CHD8: variants seen among roughly 807,000 people sequenced by gnomAD.
CHD8 encodes the protein chromodomain helicase DNA binding protein 8, also known as ATP-dependent chromatin remodeler CHD8.
Under a neutral mutation model 279.2 loss-of-function variants are expected in CHD8, and 31 were observed. The observed-to-expected ratio is 0.11, with a 90% CI of 0.08 to 0.15. The LOEUF (loss-of-function observed/expected upper bound fraction) is 0.15, where lower values mean the gene tolerates loss of function less well. CHD8 is among the 10% of genes least tolerant of loss of function. CHD8 has a pLI of 1.00. For missense variants in CHD8, 2,146 were observed against 3,230.5 expected, an observed-to-expected ratio of 0.66 and a Z score of 8.14; for synonymous variants, 1,081 against 1,139.6, an observed-to-expected ratio of 0.95 and a Z score of 1.04.
intron 26 of CHD8, chr14:21,398,535 G>C (rs1887890488): frequency 6.6e-6 from 1 of 152,184 alleles, no homozygotes; most frequent in Non-Finnish European, 1.5e-5. Context: ...CCCAGCACCT[G>C]CAATTTTATT....
chr14:21,410,256 G>A (rs1195005363), intron 10 of CHD8, among the ~76,000 whole-genome samples: 3 of 151,534 alleles, frequency 2.0e-5, no homozygotes, highest in Non-Finnish European at 4.4e-5. Context: ...AAACATGCTC[G>A]TCAACTAAAC....
intron 1 of CHD8, chr14:21,436,859 A>T: frequency 1.2e-6 from 1 of 846,072 alleles, no homozygotes; most frequent in Non-Finnish European, 1.7e-6. Flanking sequence ...TGGAGAGGAA[A>T]ACGCGACTGG....
intron 1 of CHD8, among the ~76,000 whole-genome samples, chr14:21,441,373 C>T (rs1262348403): frequency 2.0e-5 from 3 of 151,782 alleles, no homozygotes; most frequent in African/African-American, 7.3e-5. Context: ...AAAGATGATT[C>T]CTGTTGTTTG....
chr14:21,389,778 T>C (rs375652200), intron 37 of CHD8, among the ~76,000 whole-genome samples: 3 of 152,200 alleles, frequency 2.0e-5, no homozygotes, highest in East Asian at 1.9e-4. Flanking sequence ...TTTGAAAATA[T>C]AGAATAACTT....
chr14:21,395,164 G>C, intron 29 of CHD8, 45 bp from the exon 30 acceptor site: 1 of 1,579,368 alleles, frequency 6.3e-7, no homozygotes, highest in Non-Finnish European at 8.6e-7. Flanking sequence ...AGCAAGGGTA[G>C]TAGAGGCAAT....
chr14:21,394,913 G>T lies in CHD8; in HGVS notation c.5389C>A (p.Arg1797=). The T allele has an allele frequency of 6.2e-7, 1 of 1,613,532 alleles. No individual in the cohort carries two copies. The highest frequency in any genetic ancestry group is 8.5e-7 in the Non-Finnish European group (1 of 1,179,520). Residue 1797 remains arginine (R), a splice_region_variant and synonymous_variant, in exon 30 of 38, where the codon CGA becomes AGA. Transcript: ENST00000646647. ...CACAAGTTCCCAGCTATATTTTACC[G>T]TTGTTGTTTCTCCCGCCGTGCAATT... is the stretch of plus-strand genomic sequence containing the variant. ...KEIARREKQQ[R]WTRREQTDFY... is the part of the protein sequence containing the mutation.
At chr14:21,395,657 T>C (rs1293871530) in intron 28 of CHD8, 160 bp downstream of exon 28, 2 of 622,358 alleles carry the variant, frequency 3.2e-6, no homozygotes, top group Non-Finnish European at 5.7e-6. Context: ...CTACTGGCAT[T>C]ACAGTCCTTT....
chr14:21,421,944 A>T (rs528959825), intron 5 of CHD8, among the ~76,000 whole-genome samples: 1 of 152,360 alleles, frequency 6.6e-6, no homozygotes, highest in South Asian at 2.1e-4. Flanking sequence ...CCACGTGAAG[A>T]CACAATGAGA....
chr14:21,420,352 C>G (rs1224531156), intron 5 of CHD8, among the ~76,000 whole-genome samples: 1 of 152,158 alleles, frequency 6.6e-6, no homozygotes, highest in Non-Finnish European at 1.5e-5. Flanking sequence ...GGAAAGCTCC[C>G]CTCCCCCTCC....
In CHD8 at chr14:21,430,991, A is replaced by G; in HGVS notation, c.653T>C (p.Val218Ala). 1 of 1,599,568 alleles carries G rather than the reference A, an allele frequency of 6.3e-7. No homozygotes were observed. The highest frequency in any genetic ancestry group is 8.5e-7 in the Non-Finnish European group (1 of 1,179,806). The change falls in exon 2 of 38, where the codon GTC (valine) becomes GCC (alanine). Residue 218 changes from valine to alanine, a missense_variant. Around this residue, in one of 26 missense-constraint regions of CHD8, gnomAD observed 302 missense variants for 325.5 expected, o/e 0.93. Coordinates refer to ENST00000646647, the MANE Select transcript of CHD8 (RefSeq NM_001170629.2). ...GGCGGCCAACACTGTATTACCAGAG[A>G]CAATGGAAACACCTGGTCGAAGGGG... ...GTPLRPGVSI[V>A]SGNTVLAAKV...
At chr14:21,390,122 G>A (rs1001803316) in intron 37 of CHD8, among the ~76,000 whole-genome samples, 1 of 152,110 alleles carries the variant, frequency 6.6e-6, no homozygotes, top group African/African-American at 2.4e-5. Flanking sequence ...TGCAATCCCA[G>A]CTACTTGAGA....
chr14:21,395,557 C>T lies in CHD8; in HGVS notation c.5128-205G>A, dbSNP rs1952554. On this transcript the variant is annotated intron_variant, in intron 28 of 37. Coordinates refer to ENST00000646647, the MANE Select transcript of CHD8 (RefSeq NM_001170629.2). ...AACCTGAAAGGTCAGTTCCTATTAA[C>T]GACTCAAAGATAATAGAAGTCAGGA... The T allele has an allele frequency of 0.87, 515,971 of 594,100 alleles. 226,832 individuals carry two copies. Among genetic ancestry groups the T allele is most frequent in the Non-Finnish European group, 0.91 (305,540 of 336,540 alleles). 36.8% of individuals were successfully genotyped at this position (594,100 alleles called of 1,614,324 possible).
intron 5 of CHD8, among the ~76,000 whole-genome samples, chr14:21,418,495 G>T (rs2139507306): frequency 6.7e-6 from 1 of 148,508 alleles, no homozygotes; most frequent in African/African-American, 2.5e-5. Context: ...ACTCTAGCCT[G>T]GGTGAGAGTG....
rs144075045 is a variant in CHD8 at position 21,390,160 on chromosome 14, GGGGA to G, written c.7182+783_7182+786del. The stretch of plus-strand genomic sequence containing the variant: ...CTGGGCAGGAGAATGGCTTGAACCA[GGGGA>G]GGGAGAAGTTGCAGTGAGCTGAGAT... On this transcript the variant is annotated intron_variant, in intron 37 of 37. Coordinates refer to ENST00000646647, the MANE Select transcript of CHD8 (RefSeq NM_001170629.2). Among the ~76,000 whole-genome samples, 891 of 152,192 alleles carry G rather than the reference GGGGA, an allele frequency of 5.9e-3. 3 individuals are homozygous for G. Among genetic ancestry groups the G allele is most frequent in the African/African-American group, 0.018 (767 of 41,514 alleles).
intron 37 of CHD8, among the ~76,000 whole-genome samples, chr14:21,386,542 A>G (rs1438378073): frequency 6.6e-6 from 1 of 152,218 alleles, no homozygotes; most frequent in Non-Finnish European, 1.5e-5. Context: ...ATGCACATAA[A>G]AAAAATCACT....
At chr14:21,409,787 C>T in intron 11 of CHD8, 64 bp downstream of exon 11, 2 of 1,484,214 alleles carry the variant, frequency 1.3e-6, no homozygotes, top group Non-Finnish European at 9.1e-7. Context: ...CAAAAAATTT[C>T]ATAGGGGAAA....
chr14:21,430,037 A>C (rs957982596), intron 2 of CHD8: 2 of 153,604 alleles, frequency 1.3e-5, no homozygotes, highest in African/African-American at 4.8e-5. Context: ...TGGAAACCTA[A>C]TAATACAAAA....
In CHD8 at chr14:21,385,524, C is replaced by T; in HGVS notation, c.*89G>A. The T allele has an allele frequency of 1.4e-6, 2 of 1,454,012 alleles. No homozygotes were observed. The highest frequency in any genetic ancestry group is 9.0e-7 in the Non-Finnish European group (1 of 1,105,480). 90.1% of individuals were successfully genotyped at this position (1,454,012 alleles called of 1,614,324 possible). On this transcript the variant is annotated 3_prime_UTR_variant, in exon 38 of 38. Coordinates refer to ENST00000646647, the MANE Select transcript of CHD8 (RefSeq NM_001170629.2). ...TGGAGTCCTGGACTTCCCCACATCT[C>T]CCCTGCCCCTCCCACGTTTCCATAG...
intron 1 of CHD8, among the ~76,000 whole-genome samples, chr14:21,434,270 C>T (rs1343536544): frequency 6.6e-6 from 1 of 152,082 alleles, no homozygotes; most frequent in African/African-American, 2.4e-5. Flanking sequence ...GTCTCGGACT[C>T]TCGACTTCAG....
Sources: gnomAD v4.1 joint callset for allele counts (sites outside exome capture counted in the v4.1 genomes callset) on GRCh38, gnomAD v4.1.1 for gene constraint, gnomAD v4.1.1 regional missense constraint, MANE v1.5 for transcripts, NCBI Gene and HGNC (gene_info 2026-07-23, HGNC 2026-07-21) for gene names.